The following STAG2 variants were observed in gnomAD, a reference collection of about 807,000 sequenced individuals.
STAG2 encodes STAG2 cohesin complex component.
STAG2 carries 14 observed loss-of-function variants against 108.1 expected under a neutral mutation model. That is an observed-to-expected ratio of 0.13 (90% confidence interval 0.09 to 0.20). STAG2 has a LOEUF of 0.20. Among genes scored for constraint, STAG2 ranks in the 10% least tolerant of loss-of-function variants. The probability of loss-of-function intolerance (pLI) is 1.00; values close to 1 mark genes in which losing one functional copy is unlikely to be tolerated. For missense variants in STAG2, 440 were observed against 940.9 expected, an observed-to-expected ratio of 0.47 and a Z score of 6.96; for synonymous variants, 307 against 302.7, an observed-to-expected ratio of 1.01 and a Z score of -0.15.
intron 4 of STAG2, among the ~76,000 whole-genome samples, chrX:124,029,645 A>G (rs1375177082): frequency 4.4e-5 from 5 of 112,368 alleles, no homozygotes; most frequent in Non-Finnish European, 9.4e-5. Flanking sequence ...AAAAATAAAG[A>G]ATGTGCTACA....
rs1239781217 is a variant in STAG2, at chrX:124,045,252, G to A, written c.551G>A (p.Arg184Gln). The change falls in exon 8 of 35, where the codon CGG becomes CAG. Residue 184 changes from arginine to glutamine, a missense_variant. Transcript: ENST00000371145. ...TGTGAATTCATTGGCGTGTTAGTAC[G>A]GCAATGTCAATATAGTATCATATAT... is the stretch of plus-strand genomic sequence containing the variant. ...SFCEFIGVLVRQCQYSIIYDE... is the reference protein window; with the variant it reads ...SFCEFIGVLVQQCQYSIIYDE... 3 of 1,209,684 alleles carry A rather than the reference G, an allele frequency of 2.5e-6. No individual in the cohort carries two copies. The highest frequency in any genetic ancestry group is 2.2e-6 in the Non-Finnish European group (2 of 894,302).
chrX:123,976,734 A>G (rs940593840), intron 1 of STAG2, among the ~76,000 whole-genome samples: 1 of 111,486 alleles, frequency 9.0e-6, no homozygotes, highest in Admixed American at 9.6e-5. Flanking sequence ...TCTCACAACA[A>G]CCCTATTGAG....
intron 25 of STAG2, 129 bp from the exon 26 acceptor site, chrX:124,076,203 A>C (rs2058799578): frequency 3.1e-6 from 2 of 654,293 alleles, no homozygotes; most frequent in Admixed American, 7.0e-5. Context: ...ATGAATGGTT[A>C]TAATTTTAAT....
chrX:123,984,856 C>T (rs1166422550), intron 1 of STAG2, among the ~76,000 whole-genome samples: 1 of 111,255 alleles, frequency 9.0e-6, no homozygotes, highest in African/African-American at 3.3e-5. Flanking sequence ...TCAGGCTGGT[C>T]TCGAACTCCT....
At chrX:124,030,711 A>G (rs973435339) in intron 4 of STAG2, among the ~76,000 whole-genome samples, 3 of 111,380 alleles carry the variant, frequency 2.7e-5, no homozygotes, top group African/African-American at 9.8e-5. Flanking sequence ...AGAAATTTGC[A>G]CCCACAGAGT....
intron 1 of STAG2, among the ~76,000 whole-genome samples, chrX:124,005,196 T>C (rs1374125756): frequency 8.9e-6 from 1 of 112,294 alleles, no homozygotes; most frequent in East Asian, 2.8e-4. Context: ...CCTGAATATT[T>C]TCTATCTGTG....
chrX:124,043,272 G>A (rs2057776488), intron 7 of STAG2, among the ~76,000 whole-genome samples: 1 of 107,740 alleles, frequency 9.3e-6, no homozygotes. Flanking sequence ...GGGATTACAG[G>A]CACCCACCAC....
At chrX:124,053,728 C>T (rs1442965066) in intron 13 of STAG2, among the ~76,000 whole-genome samples, 1 of 111,405 alleles carries the variant, frequency 9.0e-6, no homozygotes, top group African/African-American at 3.3e-5. Flanking sequence ...GACACAAAAG[C>T]TAGATATAAA....
chrX:123,975,609 A>G (rs745976996), intron 1 of STAG2, among the ~76,000 whole-genome samples: 8 of 111,463 alleles, frequency 7.2e-5, no homozygotes, highest in South Asian at 3.8e-4. Context: ...GATTACAGGC[A>G]TGTGCCACCA....
chrX:123,965,149 T>C (rs987655055), intron 1 of STAG2, among the ~76,000 whole-genome samples: 6 of 111,826 alleles, frequency 5.4e-5, no homozygotes, highest in Non-Finnish European at 1.1e-4. Flanking sequence ...ATTAGTCTGT[T>C]TGTGTATTTC....
At chrX:124,011,766 C>G (rs1266620508) in intron 1 of STAG2, among the ~76,000 whole-genome samples, 1 of 110,448 alleles carries the variant, frequency 9.1e-6, no homozygotes, top group African/African-American at 3.3e-5. Flanking sequence ...GTCTCTTTCT[C>G]TTCTAAAGCC....
intron 1 of STAG2, among the ~76,000 whole-genome samples, chrX:123,984,100 T>G (rs1345876863): frequency 9.5e-6 from 1 of 105,179 alleles, no homozygotes; most frequent in Non-Finnish European, 1.9e-5. Context: ...TGCCTCAGCC[T>G]TCCTGAGTAG....
Position 124,095,428 on chromosome X carries a change from A to G in STAG2, c.3762A>G (p.Pro1254=). Residue 1254 remains proline, a synonymous_variant, in exon 34 of 35, where the codon CCA becomes CCG. Transcript: ENST00000371145. ...RTELKPDFFD[P]ASIMDESVLG... is the part of the protein sequence containing the mutation. ...AACTGAAGCCTGATTTCTTTGATCC[A>G]GCTTCAATTATGGATGAATCAGTAG... 1 of 1,206,590 alleles carries G rather than the reference A, an allele frequency of 8.3e-7. No homozygotes were observed. The highest frequency in any genetic ancestry group is 1.1e-6 in the Non-Finnish European group (1 of 890,597).
chrX:124,075,101 G>T (rs2058766175), intron 25 of STAG2, among the ~76,000 whole-genome samples: 1 of 111,603 alleles, frequency 9.0e-6, no homozygotes, highest in East Asian at 2.8e-4. Flanking sequence ...AAGATTACCA[G>T]AGACAGGATG....
chrX:124,080,648 A>G (rs1254873259), intron 27 of STAG2, among the ~76,000 whole-genome samples: 6 of 110,132 alleles, frequency 5.4e-5, no homozygotes, highest in East Asian at 5.7e-4. Flanking sequence ...AGATCATGCC[A>G]CTGCACTCCA....
At chrX:124,076,639 A>T (rs768163892) in intron 26 of STAG2, among the ~76,000 whole-genome samples, 168 bp downstream of exon 26, 28 of 111,624 alleles carry the variant, frequency 2.5e-4, no homozygotes, top group African/African-American at 8.4e-4. Flanking sequence ...ACTCCAGTTA[A>T]TGGACATTTT....
At chrX:123,973,596 G>T (rs2054476253) in intron 1 of STAG2, among the ~76,000 whole-genome samples, 1 of 105,307 alleles carries the variant, frequency 9.5e-6, no homozygotes, top group African/African-American at 3.5e-5. Flanking sequence ...TGTAATCCCA[G>T]CACTTTGGGA....
chrX:124,070,753 A>G (rs1015930580), intron 24 of STAG2, among the ~76,000 whole-genome samples: 1 of 111,606 alleles, frequency 9.0e-6, no homozygotes, highest in African/African-American at 3.3e-5. Context: ...TTTATACATT[A>G]TTTCATATTT....
chrX:124,058,972 AT>A (rs1313045412), intron 15 of STAG2, among the ~76,000 whole-genome samples: 21 of 107,266 alleles, frequency 2.0e-4, no homozygotes, highest in African/African-American at 5.4e-4. Context: ...CCTCTCCAAC[AT>A]TTTTTTTTTC....
Sources: gnomAD v4.1 joint callset for allele counts (sites outside exome capture counted in the v4.1 genomes callset) on GRCh38, gnomAD v4.1.1 for gene constraint, MANE v1.5 for transcripts, NCBI Gene and HGNC (gene_info 2026-07-23, HGNC 2026-07-21) for gene names.